The following IMMP2L variants were observed in gnomAD, a reference collection of about 807,000 sequenced individuals.
IMMP2L encodes mitochondrial inner membrane protease subunit 2.
In IMMP2L, 18 loss-of-function variants were observed where a neutral mutation model predicts 19.3. That is an observed-to-expected ratio of 0.93 (90% CI 0.64 to 1.38). The LOEUF is 1.38. Among genes scored for constraint, IMMP2L ranks in the 40% most tolerant of loss-of-function variants. The probability of loss-of-function intolerance (pLI) is 0.00; values close to 1 mark genes in which losing one functional copy is unlikely to be tolerated. For synonymous variants in IMMP2L, 76 were observed against 73.0 expected (o/e 1.04, Z -0.21); for missense variants, 233 against 218.2 (o/e 1.07, Z -0.43).
chr7:111,190,621 A>G (rs1362721002), intron 3 of IMMP2L, among the ~76,000 whole-genome samples: 1 of 152,096 alleles, frequency 6.6e-6, no homozygotes, highest in African/African-American at 2.4e-5. Flanking sequence ...TCCATTTACT[A>G]CAATATGTCA....
At chr7:110,955,965 T>C (rs1818315915) in intron 4 of IMMP2L, among the ~76,000 whole-genome samples, 1 of 152,032 alleles carries the variant, frequency 6.6e-6, no homozygotes, top group Admixed American at 6.6e-5. Context: ...GCATCATTTG[T>C]AGTTTTACTG....
At chr7:111,198,988 C>T (rs557819562) in intron 3 of IMMP2L, among the ~76,000 whole-genome samples, 2 of 152,236 alleles carry the variant, frequency 1.3e-5, no homozygotes, top group East Asian at 3.9e-4. Flanking sequence ...TCCCAATGTC[C>T]TCCCTCAATA....
chr7:111,154,361 T>C (rs561662880), intron 3 of IMMP2L, among the ~76,000 whole-genome samples: 1 of 152,216 alleles, frequency 6.6e-6, no homozygotes, highest in Admixed American at 6.5e-5. Flanking sequence ...TTATCTACCA[T>C]ATACATACAT....
chr7:111,021,066 C>A (rs1021208826), intron 3 of IMMP2L, among the ~76,000 whole-genome samples: 15 of 152,132 alleles, frequency 9.9e-5, no homozygotes, highest in Non-Finnish European at 1.6e-4. Context: ...AAAGCTACAA[C>A]ATAATTAATA....
chr7:110,804,475 G>A (rs1031828583), intron 5 of IMMP2L, among the ~76,000 whole-genome samples: 9 of 151,988 alleles, frequency 5.9e-5, no homozygotes, highest in African/African-American at 2.2e-4. Context: ...CCAATCAGAA[G>A]GCAGGGTGTT....
chr7:111,347,924 G>C (rs1313461085), intron 3 of IMMP2L, among the ~76,000 whole-genome samples: 1 of 151,638 alleles, frequency 6.6e-6, no homozygotes, highest in Non-Finnish European at 1.5e-5. Context: ...AAGAAAATGT[G>C]GCACATATAC....
At chr7:111,084,660 C>T (rs929581029) in intron 3 of IMMP2L, among the ~76,000 whole-genome samples, 4 of 152,120 alleles carry the variant, frequency 2.6e-5, no homozygotes, top group Non-Finnish European at 5.9e-5. Context: ...TGACAAGAGA[C>T]AGAATGTGCA....
intron 3 of IMMP2L, among the ~76,000 whole-genome samples, chr7:111,242,631 G>T (rs1171274503): frequency 6.6e-6 from 1 of 151,916 alleles, no homozygotes; most frequent in Non-Finnish European, 1.5e-5. Flanking sequence ...GAGCTTGCTG[G>T]GAGCTTTATT....
chr7:111,528,328 G>A (rs569551756), intron 1 of IMMP2L, among the ~76,000 whole-genome samples: 8 of 152,190 alleles, frequency 5.3e-5, no homozygotes, highest in African/African-American at 1.9e-4. Context: ...CCAGCAAAAA[G>A]GGAATAATTT....
chr7:111,296,839 A>G (rs377406740), intron 3 of IMMP2L, among the ~76,000 whole-genome samples: 1 of 152,058 alleles, frequency 6.6e-6, no homozygotes, highest in East Asian at 1.9e-4. Context: ...CATACTACTC[A>G]GCAATGAAAT....
At chr7:111,167,553 A>T in intron 3 of IMMP2L, among the ~76,000 whole-genome samples, 1 of 151,900 alleles carries the variant, frequency 6.6e-6, no homozygotes, top group East Asian at 1.9e-4. Flanking sequence ...CTGAAATCAT[A>T]TTACCCCAAA....
chr7:111,285,264 A>G (rs1009766604), intron 3 of IMMP2L, among the ~76,000 whole-genome samples: 3 of 152,182 alleles, frequency 2.0e-5, no homozygotes, highest in Non-Finnish European at 4.4e-5. Context: ...CGACCTCAAA[A>G]TCGTATGATC....
chr7:110,935,930 C>G (rs1267519558), intron 4 of IMMP2L, among the ~76,000 whole-genome samples: 2 of 151,990 alleles, frequency 1.3e-5, no homozygotes, highest in African/African-American at 4.8e-5. Flanking sequence ...ACAAACCTGA[C>G]AAAAGCAAGC....
At position 110,947,337 on chromosome 7, in the gene IMMP2L, T is replaced by A. The variant is rs1324511069; in HGVS notation, c.305+16163A>T. 5.9e-5 allele frequency among the ~76,000 whole-genome samples: 9 copies of A among 152,212 alleles called. 1 individual carries two copies. Among genetic ancestry groups the A allele is most frequent in the Admixed American group, 6.5e-5 (1 of 15,284 alleles). On this transcript the variant is annotated intron_variant, in intron 4 of 5. Transcript: ENST00000405709. The stretch of plus-strand genomic sequence containing the variant: ...TAGGCATTATTTTTTGAAAGTCATG[T>A]GAGAATACTAGGGCTCAGGAACATT...
Position 111,141,758 on chromosome 7 carries a change from G to T in IMMP2L, c.240-178193C>A, listed in dbSNP as rs559188189. On this transcript the variant is annotated intron_variant, in intron 3 of 5. Transcript: ENST00000405709. ...CGTTTGTTTGTTTGTTTAAGAAATG[G>T]TCTCACTATGTAGTCCAGGCTGGTC... 9.6e-4 allele frequency among the ~76,000 whole-genome samples: 146 copies of T among 152,250 alleles called. 1 individual carries two copies. The highest frequency in any genetic ancestry group is 1.8e-3 in the Non-Finnish European group (124 of 68,030).
At chr7:111,420,565 C>T (rs1030765970) in intron 3 of IMMP2L, among the ~76,000 whole-genome samples, 98 of 144,422 alleles carry the variant, frequency 6.8e-4, no homozygotes, top group East Asian at 4.1e-4. Context: ...CAGCCCCCCA[C>T]CCCCCGATAG....
At chr7:111,252,012 G>A (rs1032873584) in intron 3 of IMMP2L, among the ~76,000 whole-genome samples, 4 of 151,854 alleles carry the variant, frequency 2.6e-5, no homozygotes, top group Non-Finnish European at 5.9e-5. Flanking sequence ...AAATTCTCAT[G>A]TCACTGAAAA....
At chr7:110,743,268 T>C (rs2130877974) in intron 5 of IMMP2L, among the ~76,000 whole-genome samples, 1 of 152,326 alleles carries the variant, frequency 6.6e-6, no homozygotes, top group East Asian at 1.9e-4. Flanking sequence ...TGACTTCATG[T>C]GGCAGAATAT....
intron 3 of IMMP2L, among the ~76,000 whole-genome samples, chr7:111,194,367 C>T (rs1809239680): frequency 6.6e-6 from 1 of 152,158 alleles, no homozygotes; most frequent in South Asian, 2.1e-4. Context: ...TTAGTCATGT[C>T]AACACTCATT....
Sources: allele counts gnomAD v4.1 joint callset (sites outside exome capture counted in the v4.1 genomes callset), GRCh38; gene constraint gnomAD v4.1.1; transcripts MANE v1.5; gene names NCBI Gene and HGNC (gene_info 2026-07-23, HGNC 2026-07-21).